The following NUP98 variants were observed in gnomAD, a reference collection of about 807,000 sequenced individuals.
NUP98 encodes the protein nuclear pore complex protein Nup98-Nup96.
Under a neutral mutation model 191.9 loss-of-function variants are expected in NUP98, and 26 were observed. The ratio of observed to expected loss-of-function variants is 0.14; its 90% CI spans 0.10 to 0.19. The LOEUF (loss-of-function observed/expected upper bound fraction) is 0.19. Ranked by LOEUF, NUP98 falls within the 10% of genes least tolerant of loss-of-function variation. The pLI is 1.00. For missense variants in NUP98, 1,941 were observed against 2,178.8 expected (o/e 0.89, Z 2.17); for synonymous variants, 808 against 778.4 (o/e 1.04, Z -0.63).
intron 11 of NUP98, among the ~76,000 whole-genome samples, chr11:3,750,608 C>A (rs2080711497): frequency 6.6e-6 from 1 of 151,958 alleles, no homozygotes; most frequent in South Asian, 2.1e-4. Flanking sequence ...GGATACTAAC[C>A]TTAACATTTT....
intron 28 of NUP98, among the ~76,000 whole-genome samples, chr11:3,689,480 T>C (rs550330973): frequency 1.4e-4 from 22 of 151,870 alleles, no homozygotes; most frequent in Admixed American, 1.2e-3. Context: ...TGAGCTGAGA[T>C]TGCACCACTG....
chr11:3,702,453 T>C lies in NUP98; in HGVS notation c.3512+10A>G, dbSNP rs770216237. The C allele has an allele frequency of 3.1e-6, 5 of 1,607,688 alleles. No homozygotes were observed. In the South Asian group the frequency reaches 4.4e-5, roughly 14 times the overall value. On this transcript the variant is annotated intron_variant, in intron 23 of 32. Coordinates refer to ENST00000324932, the MANE Select transcript of NUP98 (RefSeq NM_016320.5). ...GCCTTTCTCAAAAAGCATCAAGAAA[T>C]GTGACTCACGGTTTAACAGCTACTG...
chr11:3,716,745 G>A (rs2079197836), intron 18 of NUP98, among the ~76,000 whole-genome samples: 1 of 151,878 alleles, frequency 6.6e-6, no homozygotes, highest in South Asian at 2.1e-4. Context: ...TTTTATTTCT[G>A]GGCTCTCTAT....
intron 11 of NUP98, among the ~76,000 whole-genome samples, chr11:3,746,559 A>T (rs2080508769): frequency 6.6e-6 from 1 of 151,796 alleles, no homozygotes; most frequent in African/African-American, 2.4e-5. Flanking sequence ...CTGGACGATG[A>T]CCCATGAATC....
chr11:3,678,098 A>C (rs1382566035), intron 31 of NUP98, among the ~76,000 whole-genome samples: 1 of 150,754 alleles, frequency 6.6e-6, no homozygotes, highest in Non-Finnish European at 1.5e-5. Context: ...AGATTGTGCC[A>C]CTGCCCTCCA....
At chr11:3,775,808 T>C in intron 5 of NUP98, 74 bp downstream of exon 5, 7 of 1,468,482 alleles carry the variant, frequency 4.8e-6, no homozygotes, top group Non-Finnish European at 6.6e-6. Context: ...AGAGAAGCAA[T>C]TTTACAATTC....
chr11:3,689,925 C>T, intron 28 of NUP98, among the ~76,000 whole-genome samples: 1 of 150,652 alleles, frequency 6.6e-6, no homozygotes. Context: ...GTGTGAGCCA[C>T]CATGGCTGGC....
chr11:3,783,392 A>G (rs1313453335), intron 1 of NUP98, among the ~76,000 whole-genome samples: 1 of 152,070 alleles, frequency 6.6e-6, no homozygotes, highest in Non-Finnish European at 1.5e-5. Context: ...TGTCTCAAAA[A>G]CAAATAAAAA....
In NUP98 at chr11:3,695,720, G is replaced by A. The variant is rs144567370; in HGVS notation, c.4010-114C>T. 3.8e-4 allele frequency: 280 copies of A among 730,278 alleles called. 2 individuals are homozygous for A. In the African/African-American group the frequency reaches 4.6e-3, roughly 12 times the overall value. The allele number at this position is 730,278 out of a possible 1,614,324, so 45.2% of individuals were successfully genotyped here. A position where few individuals can be genotyped will look rare whatever the true frequency, so the allele number is the denominator to read the frequency against. ...CCTTCAGAAGGGAGGATTTAACATT[G>A]TTAACTGCTTTCTGCAGTAGTGCCA... On this transcript the variant is annotated intron_variant, in intron 25 of 32. Transcript: ENST00000324932.
At chr11:3,792,188 A>C (rs1340749247) in intron 1 of NUP98, among the ~76,000 whole-genome samples, 1 of 128,372 alleles carries the variant, frequency 7.8e-6, no homozygotes, top group Non-Finnish European at 1.7e-5. Flanking sequence ...CAAAAAAAAA[A>C]AAAAAAAAAA....
intron 14 of NUP98, among the ~76,000 whole-genome samples, chr11:3,730,824 C>G (rs931337124): frequency 2.0e-5 from 3 of 150,830 alleles, no homozygotes; most frequent in African/African-American, 7.3e-5. Flanking sequence ...ACAAAAAAAC[C>G]TAATTATTCA....
At chr11:3,702,313 A>ACTCCCT (rs2078718594) in intron 23 of NUP98, 150 bp downstream of exon 23, 7 of 349,244 alleles carry the variant, frequency 2.0e-5, no homozygotes, top group Non-Finnish European at 3.0e-5. Flanking sequence ...ACACACACAC[A>ACTCCCT]CTCTCTCTCT....
intron 2 of NUP98, among the ~76,000 whole-genome samples, chr11:3,779,785 A>C (rs1770316288): frequency 1.3e-5 from 2 of 152,164 alleles, no homozygotes; most frequent in Non-Finnish European, 2.9e-5. Context: ...GAAAATTTAA[A>C]GTCAAAAGGA....
chr11:3,768,155 C>T (rs924380712), intron 8 of NUP98, among the ~76,000 whole-genome samples: 2 of 152,146 alleles, frequency 1.3e-5, no homozygotes, highest in African/African-American at 4.8e-5. Context: ...GGCACGGTGG[C>T]TCATGCCTAT....
At chr11:3,719,769 TTTTC>T (rs1449673205) in intron 17 of NUP98, among the ~76,000 whole-genome samples, 235 of 151,866 alleles carry the variant, frequency 1.5e-3, no homozygotes, top group African/African-American at 5.4e-3. Flanking sequence ...TTTTCTTTTC[TTTTC>T]TTTTTTTTTT....
chr11:3,676,262 G>A lies in NUP98; in HGVS notation c.5300C>T (p.Ala1767Val), dbSNP rs1352056790. 6.2e-7 allele frequency: 1 copy of A among 1,614,090 alleles called. No homozygotes were observed. The highest frequency in any genetic ancestry group is 8.5e-7 in the Non-Finnish European group (1 of 1,180,054). ...DPQRVPLRLL[A>V]PHIGRLPMPE... ...CATGGGAAGCCGGCCAATGTGGGGA[G>A]CCAAGAGGCGCAAAGGGACTCGCTG... The change falls in exon 33 of 33, where the codon GCT (alanine) becomes GTT (valine). Residue 1767 changes from alanine to valine, a missense_variant. Transcript: ENST00000324932.
chr11:3,770,654 T>C (rs1266005537), intron 7 of NUP98, among the ~76,000 whole-genome samples: 1 of 152,048 alleles, frequency 6.6e-6, no homozygotes, highest in Non-Finnish European at 1.5e-5. Flanking sequence ...CTGGGGAAAG[T>C]GTATAAGGCA....
intron 31 of NUP98, 94 bp from the exon 32 acceptor site, chr11:3,676,714 G>C: frequency 2.0e-6 from 2 of 989,662 alleles, no homozygotes. Context: ...AAACAACAGT[G>C]AGGTGAGGGA....
At chr11:3,784,806 C>T (rs61508984) in intron 1 of NUP98, among the ~76,000 whole-genome samples, 10,900 of 151,838 alleles carry the variant, frequency 0.072, 411 homozygotes, top group Middle Eastern at 0.1. Flanking sequence ...GGCTGGGGTA[C>T]AGACATTTGC....
Sources: gnomAD v4.1 joint callset for allele counts (sites outside exome capture counted in the v4.1 genomes callset) on GRCh38, gnomAD v4.1.1 for gene constraint, MANE v1.5 for transcripts, NCBI Gene and HGNC (gene_info 2026-07-23, HGNC 2026-07-21) for gene names.